CNTN5: variants seen among roughly 807,000 people sequenced by gnomAD.
The protein encoded by CNTN5 is contactin-5.
A neutral mutation model predicts 129.1 loss-of-function variants in CNTN5; 77 were observed. The observed-to-expected ratio is 0.60, with a 90% CI of 0.50 to 0.72. The LOEUF (loss-of-function observed/expected upper bound fraction) is 0.72, where lower values mean the gene tolerates loss of function less well. CNTN5 is among the 30% of genes least tolerant of loss of function. CNTN5 has a pLI of 0.00. For synonymous variants in CNTN5, 509 were observed against 465.6 expected, an observed-to-expected ratio of 1.09 and a Z score of -1.20; for missense variants, 1,478 against 1,328.8, an observed-to-expected ratio of 1.11 and a Z score of -1.75.
chr11:99,750,358 A>C (rs1944189817), intron 3 of CNTN5, among the ~76,000 whole-genome samples: 1 of 152,180 alleles, frequency 6.6e-6, no homozygotes, highest in African/African-American at 2.4e-5. Flanking sequence ...ATAGTCTTAT[A>C]CCTCAACTAC....
chr11:99,148,147 G>A (rs1859876638), intron 1 of CNTN5, among the ~76,000 whole-genome samples: 4 of 151,900 alleles, frequency 2.6e-5, no homozygotes, highest in Non-Finnish European at 5.9e-5. Context: ...ATTCATATTT[G>A]AGCATGTTCT....
chr11:99,799,161 G>A (rs1433950217), intron 3 of CNTN5, among the ~76,000 whole-genome samples: 1 of 151,692 alleles, frequency 6.6e-6, no homozygotes, highest in Admixed American at 6.6e-5. Flanking sequence ...GAAGCCTTGG[G>A]GTTTCTATGT....
intron 21 of CNTN5, among the ~76,000 whole-genome samples, chr11:100,321,352 T>G (rs1350394001): frequency 2.6e-5 from 4 of 151,516 alleles, no homozygotes; most frequent in African/African-American, 9.7e-5. Context: ...CTTTTTCAGG[T>G]AGTTCACTAC....
chr11:100,055,709 C>T (rs1943191409), intron 9 of CNTN5, among the ~76,000 whole-genome samples: 1 of 151,506 alleles, frequency 6.6e-6, no homozygotes, highest in African/African-American at 2.4e-5. Context: ...TCTCTGGCTA[C>T]TTTTAATATA....
intron 3 of CNTN5, among the ~76,000 whole-genome samples, chr11:99,596,075 G>A (rs933421443): frequency 3.3e-5 from 5 of 151,986 alleles, no homozygotes; most frequent in African/African-American, 4.8e-5. Flanking sequence ...TAATCTTTTG[G>A]GTCTTGCCTT....
intron 6 of CNTN5, among the ~76,000 whole-genome samples, chr11:99,889,930 T>C (rs1021972808): frequency 1.3e-5 from 2 of 152,332 alleles, no homozygotes; most frequent in African/African-American, 4.8e-5. Context: ...TTAAAAATTA[T>C]ATTCTACATA....
At chr11:99,314,767 G>A (rs1467451595) in intron 1 of CNTN5, among the ~76,000 whole-genome samples, 2 of 128,880 alleles carry the variant, frequency 1.6e-5, no homozygotes, top group African/African-American at 5.3e-5. Flanking sequence ...AGAAGAGGAT[G>A]GGGAGGAGGT....
At position 99,853,721 on chromosome 11, in the gene CNTN5, T is replaced by C. The variant is rs79421868; in HGVS notation, c.577+8459T>C. Among the ~76,000 whole-genome samples, 1,201 of 152,260 alleles carry C rather than the reference T, an allele frequency of 7.9e-3. 70 individuals are homozygous for C. In the East Asian group the frequency reaches 0.14, roughly 17 times the overall value. ...ATAACATGGTAATAGTAAAATTTAT[T>C]GAACATTTAAATTGTAGGCCAACTG... is the stretch of plus-strand genomic sequence containing the variant. On this transcript the variant is annotated intron_variant, in intron 6 of 24. Transcript: ENST00000524871.
chr11:99,946,437 T>A (rs904698558), intron 7 of CNTN5, among the ~76,000 whole-genome samples: 3 of 152,078 alleles, frequency 2.0e-5, no homozygotes, highest in Non-Finnish European at 2.9e-5. Flanking sequence ...TGATCGATAC[T>A]CAACAAAGAA....
rs539059759 is a variant in CNTN5, at chr11:99,230,191, T to A, written c.-209-95155T>A. 2.2e-4 allele frequency among the ~76,000 whole-genome samples: 33 copies of A among 152,158 alleles called. 2 individuals carry two copies. The highest frequency in any genetic ancestry group is 7.5e-4 in the African/African-American group (31 of 41,554). ...ATTTTACAATAAAATATATTTTTTA[T>A]ATAATTAGAAAGACTACATATTGTT... On this transcript the variant is annotated intron_variant, in intron 1 of 24. Coordinates refer to ENST00000524871, the MANE Select transcript of CNTN5 (RefSeq NM_014361.4).
intron 4 of CNTN5, among the ~76,000 whole-genome samples, chr11:99,836,399 T>G (rs1248979019): frequency 6.6e-6 from 1 of 151,726 alleles, no homozygotes; most frequent in Non-Finnish European, 1.5e-5. Flanking sequence ...GGTGTTTGGT[T>G]TTTTGTCCTT....
intron 7 of CNTN5, among the ~76,000 whole-genome samples, chr11:99,920,125 C>T (rs1949899989): frequency 6.6e-6 from 1 of 152,012 alleles, no homozygotes; most frequent in Non-Finnish European, 1.5e-5. Context: ...GGACACATTC[C>T]ATTTTGTTTA....
chr11:99,384,504 A>C lies in CNTN5; in HGVS notation c.-71+59020A>C, dbSNP rs529254911. Among the ~76,000 whole-genome samples the C allele has an allele frequency of 1.2e-3, 184 of 152,322 alleles. 1 individual carries two copies. The highest frequency in any genetic ancestry group is 4.2e-3 in the African/African-American group (176 of 41,580). Reference sequence around the variant, plus strand: ...ACCGAGGGACTCAGGACACCAGAAAAGTGAAGACATATTCCAGGAAATTTT... The same window carrying C: ...ACCGAGGGACTCAGGACACCAGAAACGTGAAGACATATTCCAGGAAATTTT... On this transcript the variant is annotated intron_variant, in intron 2 of 24. Transcript: ENST00000524871.
chr11:100,298,633 T>C (rs1951148968), intron 19 of CNTN5, among the ~76,000 whole-genome samples: 1 of 151,398 alleles, frequency 6.6e-6, no homozygotes, highest in African/African-American at 2.4e-5. Flanking sequence ...GAAGCCCATG[T>C]AACCAATTTA....
At position 100,198,632 on chromosome 11, in the gene CNTN5, C is replaced by T. The variant is rs563361616; in HGVS notation, c.1884+4969C>T. ...TATTGAGTTTGGCCTAGGCTGGTAC[C>T]GGAAGTCTCTTTCAGTATCACTAGT... is the stretch of plus-strand genomic sequence containing the variant. On this transcript the variant is annotated intron_variant, in intron 15 of 24. Transcript: ENST00000524871. 3.3e-5 allele frequency among the ~76,000 whole-genome samples: 5 copies of T among 151,946 alleles called. No homozygotes were observed. The South Asian group carries it at 6.2e-4, about 19-fold the overall frequency.
At chr11:100,244,763 T>G (rs1052614302) in intron 16 of CNTN5, among the ~76,000 whole-genome samples, 1 of 152,176 alleles carries the variant, frequency 6.6e-6, no homozygotes, top group African/African-American at 2.4e-5. Flanking sequence ...ATTGGAAAAT[T>G]TTCAATCATT....
Position 99,642,334 on chromosome 11 carries a change from T to A in CNTN5, c.55+86065T>A, listed in dbSNP as rs182353935. Among the ~76,000 whole-genome samples, 49 of 152,360 alleles carry A rather than the reference T, an allele frequency of 3.2e-4. 1 individual carries two copies. The highest frequency in any genetic ancestry group is 1.7e-3 in the Admixed American group (26 of 15,300). On this transcript the variant is annotated intron_variant, in intron 3 of 24. Coordinates refer to ENST00000524871, the MANE Select transcript of CNTN5 (RefSeq NM_014361.4). Reference sequence around the variant, plus strand: ...TTATGAAGTAAAAAACCTCCCTGTTTTTGAAATTTTTAATTCTTAATATCT... The same window carrying A: ...TTATGAAGTAAAAAACCTCCCTGTTATTGAAATTTTTAATTCTTAATATCT...
intron 1 of CNTN5, among the ~76,000 whole-genome samples, chr11:99,300,088 C>G (rs1591489802): frequency 2.0e-5 from 3 of 151,976 alleles, no homozygotes; most frequent in African/African-American, 7.2e-5. Flanking sequence ...AATAGTTATT[C>G]TGACAGGTTG....
chr11:99,991,578 A>C (rs1272434486), intron 8 of CNTN5, among the ~76,000 whole-genome samples: 1 of 152,246 alleles, frequency 6.6e-6, no homozygotes, highest in Admixed American at 6.5e-5. Flanking sequence ...ATTTCATGAG[A>C]GAATGGCAAG....
Sources: gnomAD v4.1 joint callset for allele counts (sites outside exome capture counted in the v4.1 genomes callset) on GRCh38, gnomAD v4.1.1 for gene constraint, MANE v1.5 for transcripts, NCBI Gene and HGNC (gene_info 2026-07-23, HGNC 2026-07-21) for gene names.